The following COL19A1 variants were observed in gnomAD, a reference collection of about 807,000 sequenced individuals.
COL19A1 encodes collagen type XIX alpha 1 chain, also known as collagen alpha-1(XIX) chain.
Under a neutral mutation model 190.2 loss-of-function variants are expected in COL19A1, and 159 were observed. The ratio of observed to expected loss-of-function variants is 0.84; its 90% CI spans 0.73 to 0.95. COL19A1 has a LOEUF of 0.95. COL19A1 is among the 40% of genes least tolerant of loss of function. The pLI, the probability that COL19A1 is intolerant of heterozygous loss-of-function variation, is 0.00. For synonymous variants in COL19A1, 509 were observed against 458.9 expected (o/e 1.11, Z -1.39); for missense variants, 1,418 against 1,431.9 (o/e 0.99, Z 0.16).
chr6:69,955,582 A>G (rs1463496347), intron 9 of COL19A1, among the ~76,000 whole-genome samples: 5 of 151,254 alleles, frequency 3.3e-5, no homozygotes, highest in Non-Finnish European at 7.4e-5. Context: ...AGAGAAAGAG[A>G]GAGAGAGAGA....
At chr6:70,110,985 T>G (rs751179160) in intron 16 of COL19A1, among the ~76,000 whole-genome samples, 4 of 152,158 alleles carry the variant, frequency 2.6e-5, no homozygotes, top group Non-Finnish European at 5.9e-5. Context: ...TCAACATCAT[T>G]TCTTTGTGTT....
At chr6:70,102,463 A>ACACAAATG (rs2150188390) in intron 16 of COL19A1, among the ~76,000 whole-genome samples, 1 of 152,276 alleles carries the variant, frequency 6.6e-6, no homozygotes, top group South Asian at 2.1e-4. Flanking sequence ...CTTCTTTATT[A>ACACAAATG]CACAAATGGC....
intron 16 of COL19A1, among the ~76,000 whole-genome samples, chr6:70,106,197 T>C (rs1444633848): frequency 6.6e-6 from 1 of 152,108 alleles, no homozygotes; most frequent in Non-Finnish European, 1.5e-5. Flanking sequence ...AAATAAAGTG[T>C]TTTAACCAGT....
At chr6:70,081,035 A>G (rs1470134719) in intron 15 of COL19A1, among the ~76,000 whole-genome samples, 1 of 152,196 alleles carries the variant, frequency 6.6e-6, no homozygotes, top group Non-Finnish European at 1.5e-5. Flanking sequence ...TACGCTTCTA[A>G]TTTAATATCA....
chr6:70,149,735 T>C lies in COL19A1; in HGVS notation c.1925T>C (p.Ile642Thr). ...CAAGGACCAGCTGGAGAGCCAGGTA[T>C]TCAGGTAAGCTATTTAACTAATTTT... Reference protein sequence around the residue: ...GAQGPAGEPGIQGPRGLPGLP... With the variant: ...GAQGPAGEPGTQGPRGLPGLP... The change falls in exon 28 of 51, where the codon ATT becomes ACT. Residue 642 changes from isoleucine (I) to threonine (T), a missense_variant. Physicochemically the swap from Ile to Thr is moderately conservative, Grantham distance 89. Transcript: ENST00000620364. 1 of 1,613,650 alleles carries C rather than the reference T, an allele frequency of 6.2e-7. No individual in the cohort carries two copies.
intron 22 of COL19A1, 42 bp from the exon 23 acceptor site, chr6:70,142,725 C>CT: frequency 6.9e-7 from 1 of 1,458,798 alleles, no homozygotes. Context: ...CTTTTTTTTT[C>CT]TTTTTTAGCA....
chr6:69,962,515 A>G (rs1017290887), intron 10 of COL19A1, among the ~76,000 whole-genome samples: 1 of 152,224 alleles, frequency 6.6e-6, no homozygotes. Flanking sequence ...GGATGAATCA[A>G]ACTCTCAAAA....
At chr6:70,172,278 G>A (rs1308575343) in intron 41 of COL19A1, among the ~76,000 whole-genome samples, 1 of 152,128 alleles carries the variant, frequency 6.6e-6, no homozygotes, top group Non-Finnish European at 1.5e-5. Context: ...GAATGCTGAC[G>A]GGGTAGGAGG....
At chr6:69,911,807 C>A (rs1417836542) in intron 4 of COL19A1, among the ~76,000 whole-genome samples, 1 of 152,288 alleles carries the variant, frequency 6.6e-6, no homozygotes, top group East Asian at 1.9e-4. Context: ...GTCTTCAGTG[C>A]TCCTCTCCAC....
At chr6:70,205,599 A>G (rs973256008) in intron 49 of COL19A1, among the ~76,000 whole-genome samples, 1 of 152,244 alleles carries the variant, frequency 6.6e-6, no homozygotes, top group Non-Finnish European at 1.5e-5. Flanking sequence ...TTTAAGTATG[A>G]AAAAGTTGGA....
chr6:70,147,010 C>A, intron 27 of COL19A1, 121 bp downstream of exon 27: 1 of 777,092 alleles, frequency 1.3e-6, no homozygotes, highest in South Asian at 2.3e-5. Flanking sequence ...TAAACACTAT[C>A]CAGAGATGAC....
chr6:70,059,861 G>A, intron 14 of COL19A1: 1 of 462,366 alleles, frequency 2.2e-6, no homozygotes, highest in South Asian at 1.6e-5. Context: ...TTTTATAGCA[G>A]ACTAAGTAAA....
At chr6:69,895,093 G>GCTGTGGCAGCAGT (rs1347355103) in intron 2 of COL19A1, among the ~76,000 whole-genome samples, 2 of 152,220 alleles carry the variant, frequency 1.3e-5, no homozygotes, top group Non-Finnish European at 1.5e-5. Context: ...GAAGAGGAAG[G>GCTGTGGCAGCAGT]CTGTGGCAGC....
chr6:70,186,983 T>C (rs898204067), intron 46 of COL19A1, among the ~76,000 whole-genome samples: 2 of 152,222 alleles, frequency 1.3e-5, no homozygotes, highest in Non-Finnish European at 2.9e-5. Context: ...GTTCAAGCGA[T>C]TCTCCTGCCT....
intron 15 of COL19A1, among the ~76,000 whole-genome samples, chr6:70,074,777 T>G (rs1321642802): frequency 6.6e-6 from 1 of 152,198 alleles, no homozygotes; most frequent in African/African-American, 2.4e-5. Flanking sequence ...GATTGTCTTC[T>G]TATCTTTATG....
chr6:69,875,071 A>G (rs1453540362), intron 1 of COL19A1, among the ~76,000 whole-genome samples: 1 of 152,264 alleles, frequency 6.6e-6, no homozygotes, highest in Non-Finnish European at 1.5e-5. Flanking sequence ...CAATAAACAT[A>G]CGTATACAGA....
intron 9 of COL19A1, among the ~76,000 whole-genome samples, chr6:69,958,143 G>A (rs1405668305): frequency 6.6e-6 from 1 of 152,066 alleles, no homozygotes; most frequent in Non-Finnish European, 1.5e-5. Context: ...CTGACATATG[G>A]CAGGCTAGGA....
intron 10 of COL19A1, among the ~76,000 whole-genome samples, chr6:69,961,291 C>A (rs1036172691): frequency 2.6e-5 from 4 of 152,000 alleles, no homozygotes; most frequent in African/African-American, 9.7e-5. Flanking sequence ...TTACTTGGCC[C>A]AATAAAGATA....
chr6:69,895,272 T>C (rs983049515), intron 2 of COL19A1, among the ~76,000 whole-genome samples: 1 of 151,790 alleles, frequency 6.6e-6, no homozygotes, highest in African/African-American at 2.4e-5. Flanking sequence ...CGACAGAGGG[T>C]GGTGGGGTGG....
Sources: allele counts gnomAD v4.1 joint callset (sites outside exome capture counted in the v4.1 genomes callset), GRCh38; gene constraint gnomAD v4.1.1; transcripts MANE v1.5; gene names NCBI Gene and HGNC (gene_info 2026-07-23, HGNC 2026-07-21).